The following PKNOX2 variants were observed in gnomAD, a reference collection of about 807,000 sequenced individuals.
PKNOX2 encodes homeobox protein PKNOX2.
Under a neutral mutation model 53.1 loss-of-function variants are expected in PKNOX2, and 14 were observed. The observed-to-expected ratio is 0.26, with a 90% CI of 0.17 to 0.41. The LOEUF (loss-of-function observed/expected upper bound fraction) is 0.41. Among genes scored for constraint, PKNOX2 ranks in the 10% least tolerant of loss-of-function variants. The pLI is 1.00. For missense variants in PKNOX2, 496 were observed against 602.8 expected (o/e 0.82, Z 1.85); for synonymous variants, 257 against 242.8 (o/e 1.06, Z -0.54).
chr11:125,324,931 A>T (rs1400139962), intron 2 of PKNOX2, among the ~76,000 whole-genome samples: 1 of 152,028 alleles, frequency 6.6e-6, no homozygotes, highest in Admixed American at 6.6e-5. Context: ...GGAGTGAGAG[A>T]AGGAGGCTAG....
At chr11:125,355,711 T>G (rs1364210044) in intron 4 of PKNOX2, among the ~76,000 whole-genome samples, 1 of 152,026 alleles carries the variant, frequency 6.6e-6, no homozygotes, top group Non-Finnish European at 1.5e-5. Flanking sequence ...CCACTGACCC[T>G]TCCATTTGCT....
At position 125,252,257 on chromosome 11, in the gene PKNOX2, C is replaced by T. The variant is rs796356546; in HGVS notation, c.-130+17142C>T. Among the ~76,000 whole-genome samples, 58 of 152,212 alleles carry T rather than the reference C, an allele frequency of 3.8e-4. 1 individual carries two copies. Among genetic ancestry groups the T allele is most frequent in the African/African-American group, 1.1e-3 (44 of 41,530 alleles). The stretch of plus-strand genomic sequence containing the variant: ...GCTGATGAGGTGAAATGCAAAATTT[C>T]CCACATTTCAGGAGCATCGTGTGGG... On this transcript the variant is annotated intron_variant, in intron 2 of 12. Coordinates refer to ENST00000298282, the MANE Select transcript of PKNOX2 (RefSeq NM_001382323.2).
intron 4 of PKNOX2, among the ~76,000 whole-genome samples, chr11:125,365,571 G>C (rs191670508): frequency 6.6e-6 from 1 of 152,270 alleles, no homozygotes; most frequent in Non-Finnish European, 1.5e-5. Flanking sequence ...TTGGATCCCT[G>C]TTTCACGGCA....
intron 2 of PKNOX2, among the ~76,000 whole-genome samples, chr11:125,302,379 T>C (rs1565491869): frequency 6.6e-6 from 1 of 152,196 alleles, no homozygotes; most frequent in African/African-American, 2.4e-5. Context: ...AGGCCACGTC[T>C]AGTCCACGAT....
intron 3 of PKNOX2, among the ~76,000 whole-genome samples, chr11:125,349,864 C>T (rs1951204267): frequency 6.6e-6 from 1 of 150,730 alleles, no homozygotes; most frequent in Non-Finnish European, 1.5e-5. Context: ...CACACACACA[C>T]ACACACACAC....
chr11:125,419,883 T>TAAAAAAAAAAAAA (rs377369369), intron 10 of PKNOX2, among the ~76,000 whole-genome samples: 1 of 99,488 alleles, frequency 1.0e-5, no homozygotes, highest in Non-Finnish European at 2.1e-5. Context: ...AAGAAAAAAT[T>TAAAAAAAAAAAAA]AAAAAAAAAA....
intron 5 of PKNOX2, among the ~76,000 whole-genome samples, chr11:125,374,284 C>T (rs1019899898): frequency 2.0e-5 from 3 of 152,054 alleles, no homozygotes; most frequent in Non-Finnish European, 4.4e-5. Flanking sequence ...CCGGATGCTT[C>T]GTGCCAGGGC....
intron 4 of PKNOX2, among the ~76,000 whole-genome samples, chr11:125,357,098 C>T (rs1406600845): frequency 6.6e-6 from 1 of 152,238 alleles, no homozygotes; most frequent in African/African-American, 2.4e-5. Context: ...GGGGGCAACA[C>T]CCCAGGGACC....
At chr11:125,361,132 C>G (rs1951902780) in intron 4 of PKNOX2, among the ~76,000 whole-genome samples, 1 of 152,226 alleles carries the variant, frequency 6.6e-6, no homozygotes, top group Admixed American at 6.5e-5. Context: ...CACTCCATAC[C>G]AGTCATTCCT....
In PKNOX2 at chr11:125,215,199, C is replaced by G. The variant is rs141702426; in HGVS notation, c.-200-19846C>G. On this transcript the variant is annotated intron_variant, in intron 1 of 12. Coordinates refer to ENST00000298282, the MANE Select transcript of PKNOX2 (RefSeq NM_001382323.2). ...TGCTGCAAGAAGGCTGTTCTTCCCC[C>G]ACCAGGAAGACGGGGCTTAGGAGTT... Among the ~76,000 whole-genome samples the G allele has an allele frequency of 1.2e-3, 182 of 152,130 alleles. 2 individuals carry two copies. Among genetic ancestry groups the G allele is most frequent in the African/African-American group, 4.2e-3 (176 of 41,510 alleles).
intron 2 of PKNOX2, among the ~76,000 whole-genome samples, chr11:125,256,440 T>G (rs1944405021): frequency 6.6e-6 from 1 of 152,148 alleles, no homozygotes; most frequent in Non-Finnish European, 1.5e-5. Flanking sequence ...GGCAGGCACC[T>G]CAGGTGAAAA....
chr11:125,372,607 T>G (rs1952619967), intron 5 of PKNOX2, among the ~76,000 whole-genome samples: 2 of 152,252 alleles, frequency 1.3e-5, no homozygotes. Context: ...GCAGTCTGTC[T>G]CTTTCCATCT....
chr11:125,176,261 A>G (rs1185909488), intron 1 of PKNOX2, among the ~76,000 whole-genome samples: 4 of 152,218 alleles, frequency 2.6e-5, no homozygotes, highest in Non-Finnish European at 4.4e-5. Flanking sequence ...GGCCTCTGCC[A>G]GGTCCTGTTG....
chr11:125,351,144 TG>T, intron 3 of PKNOX2, 139 bp from the exon 4 acceptor site: 1 of 678,506 alleles, frequency 1.5e-6, no homozygotes, highest in Non-Finnish European at 2.7e-6. Flanking sequence ...AGCTCTCATT[TG>T]TTGCCCTGAA....
rs992300321 is a variant in PKNOX2 at position 125,166,444 on chromosome 11, G to C, written c.-201+1668G>C. Among the ~76,000 whole-genome samples the C allele has an allele frequency of 1.1e-4, 16 of 152,230 alleles. No individual in the cohort carries two copies. The highest frequency in any genetic ancestry group is 3.9e-4 in the African/African-American group (16 of 41,464). On this transcript the variant is annotated intron_variant, in intron 1 of 12. Transcript: ENST00000298282. This position sits in a 1 kb window ranked among gnomAD's most constrained non-coding sequence, Gnocchi z 4.0. ...CCTAAGAGAGCGATTCCGGGAAGCG[G>C]ACAGATCGAAGAGACCTTCTGGGCG...
intron 1 of PKNOX2, among the ~76,000 whole-genome samples, chr11:125,228,444 T>C (rs142447466): frequency 1.3e-3 from 199 of 152,296 alleles, no homozygotes; most frequent in African/African-American, 4.6e-3. Flanking sequence ...CAATAAATGT[T>C]TGCTATTATT....
At chr11:125,305,716 G>T (rs769600612) in intron 2 of PKNOX2, among the ~76,000 whole-genome samples, 17 of 152,194 alleles carry the variant, frequency 1.1e-4, no homozygotes, top group Non-Finnish European at 2.2e-4. Flanking sequence ...CATCGGGAAC[G>T]ACTGCAAAGG....
At chr11:125,379,327 G>A (rs111724454) in intron 5 of PKNOX2, among the ~76,000 whole-genome samples, 2,982 of 152,182 alleles carry the variant, frequency 0.02, 106 homozygotes, top group African/African-American at 0.068. Context: ...CTCCCAAAGC[G>A]CTGGGGATTA....
At chr11:125,167,096 C>T (rs1358963201) in intron 1 of PKNOX2, among the ~76,000 whole-genome samples, 3 of 151,604 alleles carry the variant, frequency 2.0e-5, no homozygotes, top group Non-Finnish European at 4.4e-5. Flanking sequence ...GGGCTGCATC[C>T]CCATAGCTTG....
Sources: gnomAD v4.1 joint callset for allele counts (sites outside exome capture counted in the v4.1 genomes callset) on GRCh38, gnomAD v4.1.1 for gene constraint, Gnocchi (gnomAD v3.1) non-coding constraint, MANE v1.5 for transcripts, NCBI Gene and HGNC (gene_info 2026-07-23, HGNC 2026-07-21) for gene names.